Variants in SLC25A21 observed in about 807,000 individuals in gnomAD.
SLC25A21 encodes the protein solute carrier family 25 member 21.
SLC25A21 carries 47 observed loss-of-function variants against 43.8 expected under a neutral mutation model. The ratio of observed to expected loss-of-function variants is 1.07; its 90% CI spans 0.85 to 1.37. The LOEUF (loss-of-function observed/expected upper bound fraction) is 1.37, where lower values mean the gene tolerates loss of function less well. Ranked by LOEUF, SLC25A21 falls within the 40% of genes most tolerant of loss-of-function variation. SLC25A21 has a pLI of 0.00. For missense variants in SLC25A21, 352 were observed against 350.2 expected (o/e 1.00, Z -0.04); for synonymous variants, 131 against 121.3 (o/e 1.08, Z -0.52).
chr14:36,884,332 C>T (rs1242821964), intron 1 of SLC25A21, among the ~76,000 whole-genome samples: 1 of 152,120 alleles, frequency 6.6e-6, no homozygotes, highest in Non-Finnish European at 1.5e-5. Context: ...TTTTTCAGGG[C>T]TGAAGAGTAT....
chr14:36,754,462 G>C (rs565830736), intron 3 of SLC25A21, among the ~76,000 whole-genome samples: 79 of 152,220 alleles, frequency 5.2e-4, no homozygotes, highest in African/African-American at 1.9e-3. Flanking sequence ...GAAAAGGGAA[G>C]GGAAATAAGA....
intron 1 of SLC25A21, among the ~76,000 whole-genome samples, chr14:37,064,063 AGTGAG>A (rs1176354163): frequency 6.6e-6 from 1 of 152,174 alleles, no homozygotes; most frequent in Non-Finnish European, 1.5e-5. Context: ...CAGTGAACTG[AGTGAG>A]GAAGATTAAC....
chr14:36,967,950 C>T (rs1959657774), intron 1 of SLC25A21, among the ~76,000 whole-genome samples: 1 of 152,160 alleles, frequency 6.6e-6, no homozygotes, highest in South Asian at 2.1e-4. Flanking sequence ...AAAGGAAGGA[C>T]ACCGTCCTAT....
At chr14:37,051,647 G>A (rs1045633336) in intron 1 of SLC25A21, among the ~76,000 whole-genome samples, 1 of 152,170 alleles carries the variant, frequency 6.6e-6, no homozygotes, top group Non-Finnish European at 1.5e-5. Context: ...CTTCAATACC[G>A]AGGGATGAGC....
intron 1 of SLC25A21, among the ~76,000 whole-genome samples, chr14:36,981,398 T>A (rs957109650): frequency 1.3e-5 from 2 of 152,214 alleles, no homozygotes; most frequent in Non-Finnish European, 2.9e-5. Flanking sequence ...CGTATGTTTA[T>A]TGCAGCACTA....
intron 2 of SLC25A21, among the ~76,000 whole-genome samples, chr14:36,838,192 C>T (rs931040971): frequency 1.3e-5 from 2 of 152,296 alleles, no homozygotes; most frequent in South Asian, 4.1e-4. Context: ...GGGCCTCACT[C>T]GGCTTTCTCC....
intron 1 of SLC25A21, among the ~76,000 whole-genome samples, chr14:37,047,584 G>A (rs543085590): frequency 4.6e-5 from 7 of 152,164 alleles, no homozygotes; most frequent in African/African-American, 1.4e-4. Context: ...CAAACAGCAC[G>A]ATCATTCCAG....
At chr14:37,124,646 A>T (rs1963266443) in intron 1 of SLC25A21, among the ~76,000 whole-genome samples, 1 of 152,170 alleles carries the variant, frequency 6.6e-6, no homozygotes, top group Admixed American at 6.5e-5. Flanking sequence ...CAAACATAAA[A>T]ATAAACTGTG....
At chr14:37,109,151 T>C (rs1227264355) in intron 1 of SLC25A21, among the ~76,000 whole-genome samples, 1 of 152,152 alleles carries the variant, frequency 6.6e-6, no homozygotes, top group Non-Finnish European at 1.5e-5. Flanking sequence ...TTGATCCCCA[T>C]GAAATGCACA....
intron 1 of SLC25A21, among the ~76,000 whole-genome samples, chr14:36,932,052 G>A (rs937630871): frequency 1.4e-4 from 21 of 152,044 alleles, no homozygotes; most frequent in African/African-American, 4.8e-4. Context: ...TGATCCCAAA[G>A]AGTCATTTAA....
chr14:36,759,227 T>G (rs921071767), intron 3 of SLC25A21, among the ~76,000 whole-genome samples: 1 of 152,210 alleles, frequency 6.6e-6, no homozygotes, highest in Non-Finnish European at 1.5e-5. Flanking sequence ...ATGTTTTCTT[T>G]TCCTTCTGAA....
intron 6 of SLC25A21, among the ~76,000 whole-genome samples, chr14:36,722,293 A>T (rs1483382728): frequency 6.6e-6 from 1 of 152,192 alleles, no homozygotes; most frequent in Non-Finnish European, 1.5e-5. Flanking sequence ...GGAGGGATGA[A>T]TCGGCAGAAC....
intron 7 of SLC25A21, among the ~76,000 whole-genome samples, chr14:36,700,586 C>T (rs1883235085): frequency 6.6e-6 from 1 of 152,142 alleles, no homozygotes; most frequent in African/African-American, 2.4e-5. Context: ...GCCCTGGGGT[C>T]AGATTGCCTA....
intron 1 of SLC25A21, among the ~76,000 whole-genome samples, chr14:36,935,195 C>T (rs118006419): frequency 1.1e-3 from 166 of 152,212 alleles, no homozygotes; most frequent in Non-Finnish European, 2.0e-3. Flanking sequence ...ATCCAGAATG[C>T]GGCTCTGTCT....
intron 1 of SLC25A21, among the ~76,000 whole-genome samples, chr14:37,038,983 C>CTAGAA (rs1266444919): frequency 3.9e-5 from 6 of 152,150 alleles, no homozygotes; most frequent in African/African-American, 1.4e-4. Flanking sequence ...TTTGCTCCTT[C>CTAGAA]TAGAATGTCA....
chr14:36,994,190 A>G (rs1033825168), intron 1 of SLC25A21, among the ~76,000 whole-genome samples: 3 of 152,172 alleles, frequency 2.0e-5, no homozygotes, highest in African/African-American at 4.8e-5. Flanking sequence ...TCTTTCCCCA[A>G]ACTACTTGTT....
At chr14:36,950,600 G>A (rs1391505437) in intron 1 of SLC25A21, among the ~76,000 whole-genome samples, 1 of 152,148 alleles carries the variant, frequency 6.6e-6, no homozygotes, top group Non-Finnish European at 1.5e-5. Context: ...GTGGTATATT[G>A]TTATGGCAGC....
chr14:36,860,097 A>G (rs963398922), intron 2 of SLC25A21, among the ~76,000 whole-genome samples: 1 of 151,720 alleles, frequency 6.6e-6, no homozygotes, highest in Admixed American at 6.6e-5. Context: ...TAACTTTGAT[A>G]AGGTCAGAAG....
At chr14:36,972,778 T>C (rs941405196) in intron 1 of SLC25A21, among the ~76,000 whole-genome samples, 1 of 151,960 alleles carries the variant, frequency 6.6e-6, no homozygotes, top group Non-Finnish European at 1.5e-5. Flanking sequence ...GAGGGAAGAA[T>C]AGAAGAATAA....
Sources: gnomAD v4.1 joint callset for allele counts (sites outside exome capture counted in the v4.1 genomes callset) on GRCh38, gnomAD v4.1.1 for gene constraint, MANE v1.5 for transcripts, NCBI Gene and HGNC (gene_info 2026-07-23, HGNC 2026-07-21) for gene names.